LNX1: variants seen among roughly 807,000 people sequenced by gnomAD.
LNX1 encodes the protein ligand of numb-protein X 1, also known as E3 ubiquitin-protein ligase LNX.
In LNX1, 54 loss-of-function variants were observed where a neutral mutation model predicts 68.4. That is an observed-to-expected ratio of 0.79 (90% confidence interval 0.63 to 0.99). The LOEUF is 0.99. Among genes scored for constraint, LNX1 ranks in the 50% least tolerant of loss-of-function variants. The pLI is 0.00. For missense variants in LNX1, 906 were observed against 926.4 expected (o/e 0.98, Z 0.29); for synonymous variants, 336 against 350.0 (o/e 0.96, Z 0.45).
At position 53,462,129 on chromosome 4, in the gene LNX1, C is replaced by T. The variant is rs142996124; in HGVS notation, c.1893-536G>A. 9.4e-4 allele frequency among the ~76,000 whole-genome samples: 143 copies of T among 151,900 alleles called. No individual in the cohort carries two copies. The East Asian group carries it at 0.025, about 26-fold the overall frequency. On this transcript the variant is annotated intron_variant, in intron 9 of 10. Transcript: ENST00000263925. ...TTGATAAGTCATAGAGAAGCATGCA[C>T]GCATAAAGTGAATGGAAACAGAAAC...
chr4:53,592,212 G>A (rs1410195485), upstream of LNX1, among the ~76,000 whole-genome samples: 1 of 152,016 alleles, frequency 6.6e-6, no homozygotes, highest in Non-Finnish European at 1.5e-5. Context: ...CTGCAATTAG[G>A]AGCAATTTAA....
chr4:53,463,389 G>GTGTT (rs748787831), intron 9 of LNX1, among the ~76,000 whole-genome samples: 2 of 151,074 alleles, frequency 1.3e-5, no homozygotes, highest in African/African-American at 4.9e-5. Flanking sequence ...TCTTTTAGTG[G>GTGTT]TGTTTTGAGT....
Position 53,508,057 on chromosome 4 carries a change from T to C in LNX1, c.551A>G (p.Tyr184Cys), listed in dbSNP as rs761054761. 9.3e-6 allele frequency: 15 copies of C among 1,614,036 alleles called. No homozygotes were observed. Among genetic ancestry groups the C allele is most frequent in the Non-Finnish European group, 1.2e-5 (14 of 1,180,030 alleles). ...TDEPGLDNPA[Y>C]VSSAEDGQPA... is the part of the protein sequence containing the mutation. ...CTGCCCGTCCTCTGCCGAGGACACG[T>C]AGGCAGGGTTGTCTAGGCCAGGCTC... The change falls in exon 3 of 11, where the codon TAC (tyrosine) becomes TGC (cysteine). Residue 184 changes from tyrosine (Y) to cysteine (C), a missense_variant. Physicochemically the swap from Tyr to Cys is radical, Grantham distance 194. Coordinates refer to ENST00000263925, the MANE Select transcript of LNX1 (RefSeq NM_001126328.3).
At chr4:53,570,049 C>G (rs1348048083) in intron 2 of LNX1, among the ~76,000 whole-genome samples, 3 of 152,032 alleles carry the variant, frequency 2.0e-5, no homozygotes, top group Admixed American at 2.0e-4. Flanking sequence ...AATACGAACA[C>G]TTTTACACTG....
chr4:53,491,876 C>T (rs1202970638), intron 6 of LNX1, among the ~76,000 whole-genome samples: 1 of 149,420 alleles, frequency 6.7e-6, no homozygotes, highest in Admixed American at 6.7e-5. Context: ...TGGCTCACTG[C>T]AACCTTCACC....
chr4:53,500,261 T>C (rs1485369229), intron 4 of LNX1: 2 of 152,032 alleles, frequency 1.3e-5, no homozygotes, highest in South Asian at 4.1e-4. Flanking sequence ...TGGCATTGTT[T>C]TTTTTTTCAC....
chr4:53,529,989 T>C (rs1727907633), intron 2 of LNX1, among the ~76,000 whole-genome samples: 1 of 152,060 alleles, frequency 6.6e-6, no homozygotes, highest in South Asian at 2.1e-4. Context: ...GACCTCAATA[T>C]GGAAAAAAAA....
intron 1 of LNX1, among the ~76,000 whole-genome samples, chr4:53,589,291 A>G (rs571478829): frequency 6.6e-6 from 1 of 152,318 alleles, no homozygotes; most frequent in South Asian, 2.1e-4. Flanking sequence ...AGGCTAGCGG[A>G]GACAAATCTG....
chr4:53,608,259 A>G (rs1733311444), intron 2 of LNX1, among the ~76,000 whole-genome samples: 1 of 152,210 alleles, frequency 6.6e-6, no homozygotes, highest in Non-Finnish European at 1.5e-5. Flanking sequence ...AGGAACTTTG[A>G]CAAAACAACA....
chr4:53,642,596 G>A (rs1734728958), intron 1 of LNX1, among the ~76,000 whole-genome samples: 1 of 152,192 alleles, frequency 6.6e-6, no homozygotes, highest in Non-Finnish European at 1.5e-5. Flanking sequence ...ATGCTACAGA[G>A]ATAGCTCTGG....
intron 8 of LNX1, among the ~76,000 whole-genome samples, chr4:53,478,117 C>T (rs1280442478): frequency 6.6e-6 from 1 of 152,062 alleles, no homozygotes; most frequent in African/African-American, 2.4e-5. Flanking sequence ...GGGAAAGTAT[C>T]CAGCATGATA....
chr4:53,559,956 T>C (rs62323647), intron 2 of LNX1, among the ~76,000 whole-genome samples: 17,728 of 152,244 alleles, frequency 0.12, 1,181 homozygotes, highest in East Asian at 0.31. Flanking sequence ...CCACTGCACC[T>C]GGGTCTACTG....
At chr4:53,586,600 A>C (rs1428640493) in intron 1 of LNX1, among the ~76,000 whole-genome samples, 22 of 152,196 alleles carry the variant, frequency 1.4e-4, no homozygotes, top group Admixed American at 1.4e-3. Flanking sequence ...ATTGGGATAG[A>C]ACTTGCTCCC....
At chr4:53,504,014 A>G (rs1383127613) in intron 4 of LNX1, among the ~76,000 whole-genome samples, 1 of 152,218 alleles carries the variant, frequency 6.6e-6, no homozygotes, top group Non-Finnish European at 1.5e-5. Context: ...GCACGCCTGT[A>G]ATCCCAGCTA....
intron 1 of LNX1, among the ~76,000 whole-genome samples, chr4:53,651,557 C>T (rs17083248): frequency 0.15 from 22,367 of 152,104 alleles, 2,187 homozygotes; most frequent in South Asian, 0.39. Flanking sequence ...TGTCAGAATA[C>T]GTGGCCAAGA....
chr4:53,586,220 T>C (rs752776105), intron 1 of LNX1, among the ~76,000 whole-genome samples: 6 of 152,100 alleles, frequency 3.9e-5, no homozygotes, highest in Non-Finnish European at 8.8e-5. Flanking sequence ...TCATATTTAA[T>C]GAGGAGTCTG....
intron 2 of LNX1, among the ~76,000 whole-genome samples, chr4:53,552,626 C>T (rs1316249024): frequency 1.3e-5 from 2 of 151,920 alleles, no homozygotes; most frequent in African/African-American, 2.4e-5. Context: ...ATCAGGAGTT[C>T]GAGACCAGCC....
chr4:53,631,170 G>A (rs1223889742), intron 1 of LNX1, among the ~76,000 whole-genome samples: 1 of 152,180 alleles, frequency 6.6e-6, no homozygotes, highest in Non-Finnish European at 1.5e-5. Flanking sequence ...TTAGTACCCA[G>A]GGGGAGACAG....
chr4:53,631,120 C>T (rs1546527), intron 1 of LNX1, among the ~76,000 whole-genome samples: 58 of 151,996 alleles, frequency 3.8e-4, no homozygotes, highest in African/African-American at 1.3e-3. Context: ...AGGAGGAAGT[C>T]GCCCATGGAG....
Sources: allele counts gnomAD v4.1 joint callset (sites outside exome capture counted in the v4.1 genomes callset), GRCh38; gene constraint gnomAD v4.1.1; transcripts MANE v1.5; gene names NCBI Gene and HGNC (gene_info 2026-07-23, HGNC 2026-07-21).